The following UBAC2 variants were observed in gnomAD, a reference collection of about 807,000 sequenced individuals.
The protein encoded by UBAC2 is UBA domain containing 2.
In UBAC2, 26 loss-of-function variants were observed where a neutral mutation model predicts 44.0. The ratio of observed to expected loss-of-function variants is 0.59; its 90% CI spans 0.43 to 0.82. The LOEUF (loss-of-function observed/expected upper bound fraction) is 0.82, where lower values mean the gene tolerates loss of function less well. Ranked by LOEUF, UBAC2 falls within the 40% of genes least tolerant of loss-of-function variation. The pLI is 0.00. For missense variants in UBAC2, 329 were observed against 419.4 expected (o/e 0.78, Z 1.88); for synonymous variants, 155 against 154.3 (o/e 1.00, Z -0.04).
chr13:99,374,801 A>G (rs956309889), intron 8 of UBAC2, among the ~76,000 whole-genome samples: 7 of 152,208 alleles, frequency 4.6e-5, no homozygotes, highest in African/African-American at 1.7e-4. Context: ...CCCTGTGGAC[A>G]GCGAGCTTCC....
intron 8 of UBAC2, among the ~76,000 whole-genome samples, chr13:99,370,566 C>T (rs529601295): frequency 6.6e-6 from 1 of 152,214 alleles, no homozygotes; most frequent in Non-Finnish European, 1.5e-5. Context: ...CATCGCCTCC[C>T]CATTCCCTGT....
chr13:99,275,912 C>T (rs905533843), intron 4 of UBAC2, among the ~76,000 whole-genome samples: 1 of 152,174 alleles, frequency 6.6e-6, no homozygotes. Flanking sequence ...TTCTTCCCTG[C>T]TCACCACCAA....
chr13:99,212,759 G>A (rs1323223543), intron 1 of UBAC2, among the ~76,000 whole-genome samples: 1 of 151,908 alleles, frequency 6.6e-6, no homozygotes, highest in Non-Finnish European at 1.5e-5. Flanking sequence ...CTTTATGTGT[G>A]CATATAAATA....
intron 1 of UBAC2, among the ~76,000 whole-genome samples, chr13:99,224,399 C>T (rs1257213163): frequency 6.6e-6 from 1 of 152,160 alleles, no homozygotes; most frequent in Non-Finnish European, 1.5e-5. Flanking sequence ...AGGAAACGTT[C>T]AGTCCATAAC....
At chr13:99,247,790 A>C (rs1464972995) in intron 4 of UBAC2, among the ~76,000 whole-genome samples, 1 of 151,962 alleles carries the variant, frequency 6.6e-6, no homozygotes, top group Non-Finnish European at 1.5e-5. Context: ...TGCACCTAAC[A>C]TCTAATATTT....
At position 99,341,332 on chromosome 13, in the gene UBAC2, G is replaced by A. The variant is rs11839613; in HGVS notation, c.807+767G>A. On this transcript the variant is annotated intron_variant, in intron 7 of 8. Coordinates refer to ENST00000403766, the MANE Select transcript of UBAC2 (RefSeq NM_001144072.2). ...AGCATTGGATGCAAGAAGTAGGTCT[G>A]CAGATCTCACGATGGTTTGGAGAAG... 1.4e-3 allele frequency among the ~76,000 whole-genome samples: 208 copies of A among 151,338 alleles called. 2 individuals carry two copies. Among genetic ancestry groups the A allele is most frequent in the African/African-American group, 4.9e-3 (203 of 41,108 alleles).
chr13:99,322,982 A>C (rs911417517), intron 6 of UBAC2, among the ~76,000 whole-genome samples: 16 of 152,162 alleles, frequency 1.1e-4, no homozygotes, highest in African/African-American at 3.6e-4. Context: ...GTAACTGTGA[A>C]CAAATGGAAA....
chr13:99,345,363 C>T (rs538519592), intron 7 of UBAC2, among the ~76,000 whole-genome samples: 3 of 150,936 alleles, frequency 2.0e-5, no homozygotes, highest in Admixed American at 2.0e-4. Context: ...GTAAGATGGA[C>T]GGGGGAAAGG....
rs187483668 is a variant in UBAC2, at chr13:99,384,013, C to G, written c.928-1215C>G. Among the ~76,000 whole-genome samples the G allele has an allele frequency of 1.6e-4, 24 of 152,336 alleles. 1 individual carries two copies. The highest frequency in any genetic ancestry group is 4.8e-4 in the African/African-American group (20 of 41,566). ...GGTGAAGTGGGATAGAGAGGAAGAACAGCAGGCTTTCTGGAGCCACATGCC... is the reference window on the plus strand; with the variant it reads ...GGTGAAGTGGGATAGAGAGGAAGAAGAGCAGGCTTTCTGGAGCCACATGCC... On this transcript the variant is annotated intron_variant, in intron 8 of 8. Coordinates refer to ENST00000403766, the MANE Select transcript of UBAC2 (RefSeq NM_001144072.2).
chr13:99,322,830 G>C (rs779181779), intron 6 of UBAC2, among the ~76,000 whole-genome samples: 1 of 152,180 alleles, frequency 6.6e-6, no homozygotes, highest in Non-Finnish European at 1.5e-5. Context: ...ATCAGGGTTC[G>C]TAGATCATAG....
At chr13:99,307,134 C>T (rs933819844) in intron 4 of UBAC2, among the ~76,000 whole-genome samples, 3 of 152,132 alleles carry the variant, frequency 2.0e-5, no homozygotes, top group Admixed American at 6.5e-5. Context: ...GTGGACCCAT[C>T]GCTTTCAGTC....
At chr13:99,356,251 G>A (rs552395792) in intron 7 of UBAC2, 2 of 527,536 alleles carry the variant, frequency 3.8e-6, no homozygotes, top group African/African-American at 1.9e-5. Context: ...TCCCCAATCA[G>A]TCCCTGGAAC....
chr13:99,295,958 AT>A lies in UBAC2; in HGVS notation c.390-18132del. On this transcript the variant is annotated intron_variant, in intron 4 of 8. Transcript: ENST00000403766. This position sits in a 1 kb window ranked among gnomAD's most constrained non-coding sequence, Gnocchi z 4.1. ...TGTTGAATAGAGGGTGGTAGAGTTG[AT>A]TTTTTTCCTGTTTTGAACAATGACG... The A allele has an allele frequency of 6.2e-7, 1 of 1,614,022 alleles. No individual in the cohort carries two copies.
intron 4 of UBAC2, among the ~76,000 whole-genome samples, chr13:99,277,976 T>C (rs143612853): frequency 0.012 from 1,864 of 152,306 alleles, 18 homozygotes; most frequent in Middle Eastern, 0.037. Context: ...GGTCTCCCCA[T>C]AGAAGGGCCT....
At chr13:99,205,208 G>GT (rs1287198204) in intron 1 of UBAC2, among the ~76,000 whole-genome samples, 1 of 152,168 alleles carries the variant, frequency 6.6e-6, no homozygotes, top group East Asian at 1.9e-4. Context: ...GGTTGGGGGA[G>GT]TTTCTTTAAG....
chr13:99,261,402 T>A (rs1267960117), intron 4 of UBAC2, among the ~76,000 whole-genome samples: 2 of 152,220 alleles, frequency 1.3e-5, no homozygotes, highest in African/African-American at 4.8e-5. Context: ...TAGTAAGAGT[T>A]TCTGCATAAA....
chr13:99,382,058 T>G (rs2045558191), intron 8 of UBAC2, among the ~76,000 whole-genome samples: 1 of 152,220 alleles, frequency 6.6e-6, no homozygotes, highest in Non-Finnish European at 1.5e-5. Context: ...GGTTTGAAAC[T>G]GATTAAAAAT....
At chr13:99,206,628 G>A (rs555157961) in intron 1 of UBAC2, among the ~76,000 whole-genome samples, 1 of 152,304 alleles carries the variant, frequency 6.6e-6, no homozygotes, top group African/African-American at 2.4e-5. Flanking sequence ...GACCTGGCAC[G>A]TCTGTTCTGT....
intron 1 of UBAC2, among the ~76,000 whole-genome samples, chr13:99,237,576 G>A (rs547012537): frequency 3.3e-5 from 5 of 152,324 alleles, no homozygotes; most frequent in Non-Finnish European, 5.9e-5. Context: ...GGTCAGGAGC[G>A]TGTCTGTAGT....
Sources: gnomAD v4.1 joint callset for allele counts (sites outside exome capture counted in the v4.1 genomes callset) on GRCh38, gnomAD v4.1.1 for gene constraint, Gnocchi (gnomAD v3.1) non-coding constraint, MANE v1.5 for transcripts, NCBI Gene and HGNC (gene_info 2026-07-23, HGNC 2026-07-21) for gene names.